GRID2: variants seen among roughly 807,000 people sequenced by gnomAD.
GRID2 encodes the protein glutamate ionotropic receptor delta type subunit 2.
A neutral mutation model predicts 114.8 loss-of-function variants in GRID2; 33 were observed. The ratio of observed to expected loss-of-function variants is 0.29; its 90% CI spans 0.22 to 0.38. The LOEUF (loss-of-function observed/expected upper bound fraction) is 0.38, where lower values mean the gene tolerates loss of function less well. Among genes scored for constraint, GRID2 ranks in the 10% least tolerant of loss-of-function variants. The pLI is 1.00. For synonymous variants in GRID2, 505 were observed against 449.9 expected (o/e 1.12, Z -1.55); for missense variants, 1,184 against 1,257.7 (o/e 0.94, Z 0.89).
rs5860319 is a variant in GRID2 at position 93,299,431 on chromosome 4, GA to G, written c.1245+60949del. 4.1e-3 allele frequency among the ~76,000 whole-genome samples: 604 copies of G among 147,606 alleles called. 7 individuals are homozygous for G. The highest frequency in any genetic ancestry group is 0.015 in the African/African-American group (560 of 38,390). On this transcript the variant is annotated intron_variant, in intron 8 of 15. Coordinates refer to ENST00000282020, the MANE Select transcript of GRID2 (RefSeq NM_001510.4). ...AGCGCATTTTGCTGTTTGAAACGGG[GA>G]AAAAAAAGTCTTAGTTGAGTGATCT...
chr4:93,072,190 A>AT (rs1177268272), intron 2 of GRID2, among the ~76,000 whole-genome samples: 1 of 152,118 alleles, frequency 6.6e-6, no homozygotes, highest in East Asian at 1.9e-4. Flanking sequence ...TTAAACTCTA[A>AT]TTTTTTTCAA....
At chr4:93,722,076 G>C (rs890774736) in intron 14 of GRID2, among the ~76,000 whole-genome samples, 1 of 151,456 alleles carries the variant, frequency 6.6e-6, no homozygotes, top group African/African-American at 2.4e-5. Flanking sequence ...CCACCACCAC[G>C]CCGGGCTAAT....
At chr4:92,426,024 A>C (rs546882328) in intron 1 of GRID2, among the ~76,000 whole-genome samples, 4 of 152,154 alleles carry the variant, frequency 2.6e-5, no homozygotes, top group Non-Finnish European at 4.4e-5. Flanking sequence ...TCTCTTTAAC[A>C]TCTCACTTGG....
chr4:92,515,605 C>T (rs1416177478), intron 1 of GRID2, among the ~76,000 whole-genome samples: 1 of 151,764 alleles, frequency 6.6e-6, no homozygotes, highest in South Asian at 2.1e-4. Context: ...AGTTCAGAGG[C>T]CATCAGATAA....
At chr4:92,924,973 T>G (rs1424665724) in intron 2 of GRID2, among the ~76,000 whole-genome samples, 3 of 152,096 alleles carry the variant, frequency 2.0e-5, no homozygotes, top group Non-Finnish European at 4.4e-5. Flanking sequence ...GATCCATCAC[T>G]TAAAACAGCC....
chr4:92,731,654 G>A (rs1736333396), intron 2 of GRID2, among the ~76,000 whole-genome samples: 1 of 151,846 alleles, frequency 6.6e-6, no homozygotes, highest in Admixed American at 6.6e-5. Flanking sequence ...ATTAAAGAGG[G>A]TGAATTTGGG....
intron 2 of GRID2, among the ~76,000 whole-genome samples, chr4:92,889,793 G>T (rs1335526790): frequency 6.6e-6 from 1 of 152,088 alleles, no homozygotes; most frequent in Non-Finnish European, 1.5e-5. Flanking sequence ...AACCAAAAAA[G>T]AGCCCATATA....
intron 2 of GRID2, among the ~76,000 whole-genome samples, chr4:92,951,484 G>A (rs1362283097): frequency 6.6e-6 from 1 of 151,838 alleles, no homozygotes; most frequent in African/African-American, 2.4e-5. Flanking sequence ...TGGACTACAG[G>A]TACACTCCAC....
intron 13 of GRID2, among the ~76,000 whole-genome samples, chr4:93,528,854 C>T (rs781491000): frequency 2.2e-4 from 33 of 152,262 alleles, no homozygotes; most frequent in Middle Eastern, 3.4e-3. Context: ...GAATGTTTAT[C>T]TCTGCCATTG....
intron 7 of GRID2, among the ~76,000 whole-genome samples, chr4:93,225,600 A>G (rs1350452377): frequency 6.6e-6 from 1 of 152,128 alleles, no homozygotes; most frequent in Non-Finnish European, 1.5e-5. Flanking sequence ...TCTTTCCTGA[A>G]ACCCAAAGAA....
At chr4:93,801,781 G>A (rs1438935960) in intron 1 of GRID2, among the ~76,000 whole-genome samples, 1 of 152,148 alleles carries the variant, frequency 6.6e-6, no homozygotes, top group South Asian at 2.1e-4. Context: ...CATACTAACA[G>A]TAAAACAGAA....
chr4:93,647,839 T>G (rs1258257619), intron 14 of GRID2, among the ~76,000 whole-genome samples: 2 of 152,158 alleles, frequency 1.3e-5, no homozygotes, highest in African/African-American at 4.8e-5. Flanking sequence ...GAAAAAGAAT[T>G]AACACCCACA....
At chr4:92,832,536 G>A (rs1372545889) in intron 2 of GRID2, among the ~76,000 whole-genome samples, 2 of 151,938 alleles carry the variant, frequency 1.3e-5, no homozygotes, top group African/African-American at 4.8e-5. Flanking sequence ...TGGGATTACA[G>A]GCACCCGCCA....
intron 13 of GRID2, among the ~76,000 whole-genome samples, chr4:93,558,663 G>T (rs1300430896): frequency 2.6e-5 from 4 of 152,112 alleles, no homozygotes; most frequent in Non-Finnish European, 5.9e-5. Flanking sequence ...GGTACAAAGA[G>T]GAGCTGGTAC....
chr4:92,836,828 T>C (rs576180199), intron 2 of GRID2, among the ~76,000 whole-genome samples: 1 of 152,184 alleles, frequency 6.6e-6, no homozygotes, highest in South Asian at 2.1e-4. Flanking sequence ...AATAGTCCCA[T>C]AGTAAAGGAA....
At chr4:92,427,163 TCCAAATAATACA>T (rs1274306818) in intron 1 of GRID2, among the ~76,000 whole-genome samples, 3 of 152,196 alleles carry the variant, frequency 2.0e-5, no homozygotes, top group African/African-American at 7.2e-5. Context: ...AGAAGGATGC[TCCAAATAATACA>T]TACATTTTCA....
At chr4:92,967,666 T>C (rs1325637747) in intron 2 of GRID2, among the ~76,000 whole-genome samples, 1 of 151,988 alleles carries the variant, frequency 6.6e-6, no homozygotes, top group Non-Finnish European at 1.5e-5. Flanking sequence ...TGATGTATTT[T>C]AGTTCTATAA....
At chr4:93,191,457 A>C (rs1740973651) in intron 4 of GRID2, among the ~76,000 whole-genome samples, 1 of 152,136 alleles carries the variant, frequency 6.6e-6, no homozygotes, top group South Asian at 2.1e-4. Context: ...TTGAACCCAC[A>C]AAATGATTTT....
At chr4:93,600,816 C>G (rs768668878) in intron 13 of GRID2, among the ~76,000 whole-genome samples, 24 of 152,156 alleles carry the variant, frequency 1.6e-4, no homozygotes, top group Non-Finnish European at 2.8e-4. Flanking sequence ...GTGGTCTACT[C>G]AGACCTCAAT....
Sources: allele counts gnomAD v4.1 joint callset (sites outside exome capture counted in the v4.1 genomes callset), GRCh38; gene constraint gnomAD v4.1.1; transcripts MANE v1.5; gene names NCBI Gene and HGNC (gene_info 2026-07-23, HGNC 2026-07-21).